EIF2AK4: variants seen among roughly 807,000 people sequenced by gnomAD.
EIF2AK4 encodes eukaryotic translation initiation factor 2 alpha kinase 4, also known as eIF-2-alpha kinase GCN2.
In EIF2AK4, 139 loss-of-function variants were observed where a neutral mutation model predicts 211.1. The ratio of observed to expected loss-of-function variants is 0.66; its 90% CI spans 0.57 to 0.76. EIF2AK4 has a LOEUF of 0.76. Among genes scored for constraint, EIF2AK4 ranks in the 30% least tolerant of loss-of-function variants. EIF2AK4 has a pLI of 0.00. For synonymous variants in EIF2AK4, 710 were observed against 751.3 expected (o/e 0.94, Z 0.90); for missense variants, 1,664 against 2,043.8 (o/e 0.81, Z 3.58).
At chr15:39,939,934 T>A (rs1480375119) in intron 2 of EIF2AK4, among the ~76,000 whole-genome samples, 1 of 152,144 alleles carries the variant, frequency 6.6e-6, no homozygotes, top group Non-Finnish European at 1.5e-5. Flanking sequence ...AAGAAAACAA[T>A]AAAGGCATGG....
At chr15:40,025,015 A>G (rs957663415) in intron 32 of EIF2AK4, among the ~76,000 whole-genome samples, 1 of 152,158 alleles carries the variant, frequency 6.6e-6, no homozygotes, top group Non-Finnish European at 1.5e-5. Context: ...GGAGATTTAC[A>G]TAAGAGGCAG....
At chr15:40,009,204 C>G (rs893290225) in intron 25 of EIF2AK4, among the ~76,000 whole-genome samples, 1 of 151,906 alleles carries the variant, frequency 6.6e-6, no homozygotes, top group Non-Finnish European at 1.5e-5. Flanking sequence ...GTCCTCCTGC[C>G]TTGCTGCTTG....
intron 26 of EIF2AK4, among the ~76,000 whole-genome samples, chr15:40,010,273 C>A (rs1204211447): frequency 6.6e-6 from 1 of 152,192 alleles, no homozygotes; most frequent in Non-Finnish European, 1.5e-5. Context: ...GCCCTTGATT[C>A]TTCCAGTCTG....
intron 25 of EIF2AK4, 84 bp from the exon 26 acceptor site, chr15:40,009,530 C>A: frequency 2.6e-6 from 2 of 781,286 alleles, no homozygotes; most frequent in Non-Finnish European, 4.2e-6. Context: ...GTTAGGATGA[C>A]AAATTGGTGG....
At chr15:39,949,013 G>C (rs2034267538) in intron 3 of EIF2AK4, 103 bp from the exon 4 acceptor site, 1 of 1,329,806 alleles carries the variant, frequency 7.5e-7, no homozygotes, top group South Asian at 1.3e-5. Context: ...GGCATTCTAA[G>C]TGGGCCTCTG....
At chr15:40,011,463 A>T (rs1229410383) in intron 27 of EIF2AK4, 117 bp downstream of exon 27, 4 of 794,902 alleles carry the variant, frequency 5.0e-6, no homozygotes, top group Admixed American at 2.5e-5. Flanking sequence ...CACCTCGCAG[A>T]TGCAGTTTTT....
rs1256760760 is a variant in EIF2AK4 at position 40,035,114 on chromosome 15, AACAG to A, written c.*36_*39del. On this transcript the variant is annotated 3_prime_UTR_variant, in exon 39 of 39. Coordinates refer to ENST00000263791, the MANE Select transcript of EIF2AK4 (RefSeq NM_001013703.4). ...AAAGAACTGTCGTTAACCTCATTCA[AACAG>A]ACAGAGGCTTATACTGGAATAATGG... The A allele has an allele frequency of 5.5e-6, 8 of 1,462,358 alleles. No individual in the cohort carries two copies. The highest frequency in any genetic ancestry group is 1.4e-5 in the African/African-American group (1 of 70,920). 90.6% of individuals were successfully genotyped at this position (1,462,358 alleles called of 1,614,324 possible).
Position 39,965,684 on chromosome 15 carries a change from A to G in EIF2AK4, c.860-2A>G. 3 of 1,613,856 alleles carry G rather than the reference A, an allele frequency of 1.9e-6. No homozygotes were observed. The highest frequency in any genetic ancestry group is 2.5e-6 in the Non-Finnish European group (3 of 1,179,860). ...TAATTACACTTTCTGTTTAATGTGCAGGCAGTGATGAACAACTTGGAAAAT... is the reference window on the plus strand; with the variant it reads ...TAATTACACTTTCTGTTTAATGTGCGGGCAGTGATGAACAACTTGGAAAAT... On this transcript the variant is annotated splice_acceptor_variant, in intron 7 of 38. Coordinates refer to ENST00000263791, the MANE Select transcript of EIF2AK4 (RefSeq NM_001013703.4). LOFTEE classifies it high-confidence loss of function.
intron 6 of EIF2AK4, among the ~76,000 whole-genome samples, chr15:39,956,558 A>G (rs531087465): frequency 1.4e-3 from 215 of 152,288 alleles, no homozygotes; most frequent in African/African-American, 4.9e-3. Flanking sequence ...CCTAATACTG[A>G]GGTGGGCTCC....
At chr15:39,961,761 T>C (rs368927499) in intron 6 of EIF2AK4, 23 bp from the exon 7 acceptor site, 2 of 1,553,448 alleles carry the variant, frequency 1.3e-6, no homozygotes, top group Non-Finnish European at 1.8e-6. Context: ...TGTTCAAATG[T>C]ATTGTTCAAA....
At chr15:40,027,731 A>T (rs2035483023) in intron 33 of EIF2AK4, among the ~76,000 whole-genome samples, 2 of 152,128 alleles carry the variant, frequency 1.3e-5, no homozygotes. Context: ...TCTACTAAAG[A>T]TACAAAAAAA....
At chr15:40,011,014 A>G (rs1396217370) in intron 26 of EIF2AK4, among the ~76,000 whole-genome samples, 2 of 152,222 alleles carry the variant, frequency 1.3e-5, no homozygotes. Context: ...AAGCCTGTCC[A>G]GATTTGGGTC....
intron 27 of EIF2AK4, 73 bp downstream of exon 27, chr15:40,011,419 T>A: frequency 7.4e-7 from 1 of 1,355,738 alleles, no homozygotes; most frequent in Non-Finnish European, 1.0e-6. Flanking sequence ...CATCAAATTC[T>A]CGTTGCAGTA....
chr15:39,987,854 C>T, intron 14 of EIF2AK4, 129 bp from the exon 15 acceptor site: 1 of 1,035,666 alleles, frequency 9.7e-7, no homozygotes, highest in Non-Finnish European at 1.3e-6. Flanking sequence ...TGTAGAAAAC[C>T]AAGTCTTTCC....
intron 5 of EIF2AK4, 119 bp from the exon 6 acceptor site, chr15:39,955,501 T>C (rs2034377337): frequency 2.0e-6 from 2 of 1,003,428 alleles, no homozygotes; most frequent in South Asian, 1.7e-5. Flanking sequence ...TTCAATTTTA[T>C]TTCACTTGTA....
chr15:40,028,972 C>T (rs571695377), intron 33 of EIF2AK4, among the ~76,000 whole-genome samples: 52 of 152,202 alleles, frequency 3.4e-4, no homozygotes, highest in Middle Eastern at 3.2e-3. Context: ...CATCCATTCA[C>T]GGCTTTTTAA....
intron 33 of EIF2AK4, among the ~76,000 whole-genome samples, chr15:40,028,524 A>AAGGGTAC (rs1441778573): frequency 6.6e-6 from 1 of 152,096 alleles, no homozygotes; most frequent in Non-Finnish European, 1.5e-5. Flanking sequence ...AAACATCCTA[A>AAGGGTAC]AGGGTACAGG....
chr15:39,958,038 T>G (rs2034415342), intron 6 of EIF2AK4, among the ~76,000 whole-genome samples: 1 of 152,216 alleles, frequency 6.6e-6, no homozygotes, highest in Non-Finnish European at 1.5e-5. Context: ...AGTCTTCTTT[T>G]CCCACCTTGA....
In EIF2AK4 at chr15:40,009,682, C is replaced by A. The variant is rs1329390189; in HGVS notation, c.3645C>A (p.Ile1215=). Residue 1215 remains isoleucine (I), a synonymous_variant, in exon 26 of 39, where the codon ATC becomes ATA. Coordinates refer to ENST00000263791, the MANE Select transcript of EIF2AK4 (RefSeq NM_001013703.4). The stretch of plus-strand genomic sequence containing the variant: ...AAGCAATACTCTTACACTGTGGGAT[C>A]CCAGAAGATAAACTCAGTCAAGTCT... ...LLKAILLHCG[I]PEDKLSQVYI... 9 of 1,610,082 alleles carry A rather than the reference C, an allele frequency of 5.6e-6. No homozygotes were observed. In the African/African-American group the frequency reaches 8.0e-5, roughly 14 times the overall value.
Sources: gnomAD v4.1 joint callset for allele counts (sites outside exome capture counted in the v4.1 genomes callset) on GRCh38, gnomAD v4.1.1 for gene constraint, MANE v1.5 for transcripts, NCBI Gene and HGNC (gene_info 2026-07-23, HGNC 2026-07-21) for gene names.